G6PC2: variants seen among roughly 807,000 people sequenced by gnomAD.
G6PC2 encodes glucose-6-phosphatase catalytic subunit 2, also known as glucose-6-phosphatase 2.
G6PC2 carries 41 observed loss-of-function variants against 35.4 expected under a neutral mutation model. The observed-to-expected ratio is 1.16, with a 90% confidence interval of 0.90 to 1.50. G6PC2 has a LOEUF of 1.50. Ranked by LOEUF, G6PC2 falls within the 40% of genes most tolerant of loss-of-function variation. The pLI, the probability that G6PC2 is intolerant of heterozygous loss-of-function variation, is 0.00. For missense variants in G6PC2, 441 were observed against 426.5 expected (o/e 1.03, Z -0.30); for synonymous variants, 165 against 153.2 (o/e 1.08, Z -0.57).
rs149663725 is a variant in G6PC2, at chr2:168,904,516, G to C, written c.340G>C (p.Gly114Arg). Residue 114 changes from glycine (G) to arginine (R), a missense_variant, in exon 3 of 5, where the codon GGC (glycine) becomes CGC (arginine). By Grantham distance (125) the Gly-to-Arg change is moderately radical. Transcript: ENST00000375363. Reference sequence around the variant, plus strand: ...CTTTGTTGTTGCAGGAAGTCCATCTGGCCATGCAATGGGCGCATCCTGTGT... The same window carrying C: ...CTTTGTTGTTGCAGGAAGTCCATCTCGCCATGCAATGGGCGCATCCTGTGT... ...TCETGPGSPSGHAMGASCVWY... is the reference protein window; with the variant it reads ...TCETGPGSPSRHAMGASCVWY... 250 of 1,594,348 alleles carry C rather than the reference G, an allele frequency of 1.6e-4. No homozygotes were observed. The East Asian group carries it at 5.5e-3, about 35-fold the overall frequency.
At chr2:168,902,724 A>G (rs1690627279) in intron 2 of G6PC2, among the ~76,000 whole-genome samples, 170 bp downstream of exon 2, 1 of 152,236 alleles carries the variant, frequency 6.6e-6, no homozygotes, top group South Asian at 2.1e-4. Context: ...CAAAGCAAAA[A>G]AAATACTCAA....
Position 168,906,797 on chromosome 2 carries a change from C to T in G6PC2, c.556+18C>T. ...AATTGGTGGTAAATATGATCACTTACCTTTAGCTGTGTCCTTTGAAAGCTT... is the reference window on the plus strand; with the variant it reads ...AATTGGTGGTAAATATGATCACTTATCTTTAGCTGTGTCCTTTGAAAGCTT... On this transcript the variant is annotated intron_variant, in intron 4 of 4. Coordinates refer to ENST00000375363, the MANE Select transcript of G6PC2 (RefSeq NM_021176.3). The T allele has an allele frequency of 8.9e-7, 1 of 1,128,362 alleles. No individual in the cohort carries two copies. Among genetic ancestry groups the T allele is most frequent in the Non-Finnish European group, 1.4e-6 (1 of 735,902 alleles). The allele number at this position is 1,128,362 out of a possible 1,614,324, so 69.9% of individuals were successfully genotyped here.
In G6PC2 at chr2:168,909,939, T is replaced by C. The variant is rs371022029; in HGVS notation, c.*1860T>C. The C allele has an allele frequency of 4.6e-5, 7 of 152,224 alleles. No individual in the cohort carries two copies. The highest frequency in any genetic ancestry group is 1.7e-4 in the African/African-American group (7 of 41,464). 9.4% of individuals were successfully genotyped at this position (152,224 alleles called of 1,614,324 possible). ...CATTGCTTTTATAAAACGCACTTAA[T>C]AGCTTTCTTTCTAAAAGGCAACTGA... On this transcript the variant is annotated 3_prime_UTR_variant, in exon 5 of 5. Coordinates refer to ENST00000375363, the MANE Select transcript of G6PC2 (RefSeq NM_021176.3).
chr2:168,902,694 CA>C (rs1344633306), intron 2 of G6PC2, 140 bp downstream of exon 2: 2 of 662,776 alleles, frequency 3.0e-6, no homozygotes, highest in Non-Finnish European at 5.5e-6. Flanking sequence ...TCATAACAAT[CA>C]AAATTACTAA....
Position 168,904,496 on chromosome 2 carries a change from T to A in G6PC2, c.329-9T>A. ...ACTTTTCAAATGGACGGACACTTTG[T>A]TGTTGCAGGAAGTCCATCTGGCCAT... On this transcript the variant is annotated splice_polypyrimidine_tract_variant and intron_variant, in intron 2 of 4. Transcript: ENST00000375363. 6.9e-7 allele frequency: 1 copy of A among 1,456,500 alleles called. No homozygotes were observed. The highest frequency in any genetic ancestry group is 9.7e-7 in the Non-Finnish European group (1 of 1,036,098). 90.2% of individuals were successfully genotyped at this position (1,456,500 alleles called of 1,614,324 possible). A position where few individuals can be genotyped will look rare whatever the true frequency, so the allele number is the denominator to read the frequency against.
chr2:168,901,446 T>G lies in G6PC2; in HGVS notation c.115T>G (p.Phe39Val), dbSNP rs1272455884. The G allele has an allele frequency of 6.3e-7, 1 of 1,596,854 alleles. No individual in the cohort carries two copies. Residue 39 changes from phenylalanine (F) to valine (V), a missense_variant, in exon 1 of 5, where the codon TTT becomes GTT. By Grantham distance (50) the Phe-to-Val change is conservative. Coordinates refer to ENST00000375363, the MANE Select transcript of G6PC2 (RefSeq NM_021176.3). ...MSNVGDPRNIFFIYFPLCFQF... is the reference protein window; with the variant it reads ...MSNVGDPRNIVFIYFPLCFQF... ...CAATGTTGGAGACCCCAGGAATATC[T>G]TTTTCATTTATTTTCCACTTTGTTT...
intron 3 of G6PC2, among the ~76,000 whole-genome samples, chr2:168,906,257 A>G (rs186538404): frequency 9.9e-5 from 15 of 152,238 alleles, no homozygotes; most frequent in African/African-American, 3.4e-4. Context: ...AAGCAAAGAA[A>G]GGTTGAGAGA....
intron 4 of G6PC2, 40 bp downstream of exon 4, chr2:168,906,819 G>A (rs1161623829): frequency 1.2e-5 from 12 of 987,306 alleles, no homozygotes; most frequent in Non-Finnish European, 1.8e-5. Flanking sequence ...TCCTTTGAAA[G>A]CTTTAGTTTC....
At chr2:168,906,057 T>C (rs1394219532) in intron 3 of G6PC2, among the ~76,000 whole-genome samples, 1 of 137,110 alleles carries the variant, frequency 7.3e-6, no homozygotes, top group Admixed American at 7.8e-5. Context: ...ATTCCCCTGT[T>C]CTCTATTTTC....
At position 168,908,165 on chromosome 2, in the gene G6PC2, C is replaced by A; in HGVS notation, c.*86C>A. On this transcript the variant is annotated 3_prime_UTR_variant, in exon 5 of 5. Coordinates refer to ENST00000375363, the MANE Select transcript of G6PC2 (RefSeq NM_021176.3). ...CCACAGAGTAGGCACAGACCAGAGG[C>A]TTCTAATCCGACTTCACAGAATAGC... is the stretch of plus-strand genomic sequence containing the variant. 8.9e-7 allele frequency: 1 copy of A among 1,117,844 alleles called. No individual in the cohort carries two copies. The highest frequency in any genetic ancestry group is 1.2e-5 in the South Asian group (1 of 80,930). 69.2% of individuals were successfully genotyped at this position (1,117,844 alleles called of 1,614,324 possible). A position where few individuals can be genotyped will look rare whatever the true frequency, so the allele number is the denominator to read the frequency against.
intron 3 of G6PC2, among the ~76,000 whole-genome samples, chr2:168,906,075 C>CA (rs11320926): frequency 0.073 from 8,847 of 121,440 alleles, 511 homozygotes; most frequent in East Asian, 0.28. Context: ...TTCTGTGTCT[C>CA]AAAAAAAAAA....
rs2232322 is a variant in G6PC2, at chr2:168,906,734, A to G, written c.511A>G (p.Ile171Val). ...QISVCISRVF[I>V]ATHFPHQVIL... ...CAGTGTCTGCATCTCCAGAGTATTC[A>G]TAGCAACACATTTTCCTCATCAAGT... The change falls in exon 4 of 5, where the codon ATA becomes GTA. Residue 171 changes from isoleucine (I) to valine (V), a missense_variant. Physicochemically the swap from Ile to Val is conservative, Grantham distance 29 (BLOSUM62 3). Transcript: ENST00000375363. The G allele has an allele frequency of 2.1e-4, 340 of 1,601,400 alleles. No individual in the cohort carries two copies. In the Middle Eastern group the frequency reaches 2.5e-3, roughly 12 times the overall value.
intron 2 of G6PC2, among the ~76,000 whole-genome samples, chr2:168,903,882 T>C (rs986494076): frequency 2.0e-5 from 3 of 152,102 alleles, no homozygotes; most frequent in Admixed American, 6.5e-5. Context: ...AATGCCGTCT[T>C]TATAGCTTCT....
Position 168,908,269 on chromosome 2 carries a change from T to C in G6PC2, c.*190T>C, listed in dbSNP as rs1690769530. On this transcript the variant is annotated 3_prime_UTR_variant, in exon 5 of 5. Coordinates refer to ENST00000375363, the MANE Select transcript of G6PC2 (RefSeq NM_021176.3). ...TTTTTTTTAATCCTTCAGTTACCAATATTTAGATACAAGAATATTTGACAT... is the reference window on the plus strand; with the variant it reads ...TTTTTTTTAATCCTTCAGTTACCAACATTTAGATACAAGAATATTTGACAT... 1 of 608,686 alleles carries C rather than the reference T, an allele frequency of 1.6e-6. No individual in the cohort carries two copies. The highest frequency in any genetic ancestry group is 2.9e-5 in the Admixed American group (1 of 34,128). 37.7% of individuals were successfully genotyped at this position (608,686 alleles called of 1,614,324 possible). A position where few individuals can be genotyped will look rare whatever the true frequency, so the allele number is the denominator to read the frequency against.
Position 168,907,683 on chromosome 2 carries a change from T to C in G6PC2, c.672T>C (p.Leu224=). The C allele has an allele frequency of 6.2e-7, 1 of 1,614,070 alleles. No individual in the cohort carries two copies. The highest frequency in any genetic ancestry group is 1.1e-5 in the South Asian group (1 of 91,074). Residue 224 remains leucine (L), a synonymous_variant, in exon 5 of 5, where the codon CTT becomes CTC. Transcript: ENST00000375363. Reference sequence around the variant, plus strand: ...TGTTTGCAGTTGGCTTTTACCTGCTTCTTAGGGTGCTCAACATTGACCTGC... The same window carrying C: ...TGTTTGCAGTTGGCTTTTACCTGCTCCTTAGGGTGCTCAACATTGACCTGC... ...LFLFAVGFYL[L]LRVLNIDLLW...
intron 2 of G6PC2, among the ~76,000 whole-genome samples, chr2:168,902,796 T>G (rs1322614491): frequency 6.6e-6 from 1 of 152,064 alleles, no homozygotes; most frequent in African/African-American, 2.4e-5. Context: ...GATTAAATAT[T>G]TGGTGTTTAC....
chr2:168,909,997 A>G lies in G6PC2; in HGVS notation c.*1918A>G, dbSNP rs573127146. ...AAAAGGTAAATAAACTGAACTTGATATTAGTGGTTCGGTGATTCCAAAGCA... is the reference window on the plus strand; with the variant it reads ...AAAAGGTAAATAAACTGAACTTGATGTTAGTGGTTCGGTGATTCCAAAGCA... On this transcript the variant is annotated 3_prime_UTR_variant, in exon 5 of 5. Transcript: ENST00000375363. 5.9e-5 allele frequency: 9 copies of G among 152,348 alleles called. No individual in the cohort carries two copies. The South Asian group carries it at 1.9e-3, about 32-fold the overall frequency. The allele number at this position is 152,348 out of a possible 1,614,324, so 9.4% of individuals were successfully genotyped here. A position where few individuals can be genotyped will look rare whatever the true frequency, so the allele number is the denominator to read the frequency against.
Position 168,902,535 on chromosome 2 carries a change from T to C in G6PC2, c.309T>C (p.Thr103=), listed in dbSNP as rs1690622188. The change falls in exon 2 of 5, where the codon ACT becomes ACC. Residue 103 remains threonine, a synonymous_variant. Coordinates refer to ENST00000375363, the MANE Select transcript of G6PC2 (RefSeq NM_021176.3). ...GTCCATGCCTTGAACAGTTCCCTAC[T>C]ACATGTGAAACAGGTCCAGGTAAGC... ...HSSPCLEQFP[T]TCETGPGSPS... 1 of 1,514,284 alleles carries C rather than the reference T, an allele frequency of 6.6e-7. No homozygotes were observed. The highest frequency in any genetic ancestry group is 2.3e-5 in the East Asian group (1 of 44,408). The allele number at this position is 1,514,284 out of a possible 1,614,324, so 93.8% of individuals were successfully genotyped here.
chr2:168,902,706 T>C, intron 2 of G6PC2, 152 bp downstream of exon 2: 1 of 654,548 alleles, frequency 1.5e-6, no homozygotes, highest in South Asian at 1.7e-5. Flanking sequence ...AAATTACTAA[T>C]GAGGAAGCAA....
Sources: allele counts gnomAD v4.1 joint callset (sites outside exome capture counted in the v4.1 genomes callset), GRCh38; gene constraint gnomAD v4.1.1; transcripts MANE v1.5; gene names NCBI Gene and HGNC (gene_info 2026-07-23, HGNC 2026-07-21).